FANCL: variants seen among roughly 807,000 people sequenced by gnomAD.
FANCL encodes FA complementation group L.
In FANCL, 69 loss-of-function variants were observed where a neutral mutation model predicts 59.4. The observed-to-expected ratio is 1.16, with a 90% confidence interval of 0.96 to 1.42. FANCL has a LOEUF of 1.42. FANCL is among the 40% of genes most tolerant of loss of function. The pLI, the probability that FANCL is intolerant of heterozygous loss-of-function variation, is 0.00. For missense variants in FANCL, 519 were observed against 447.2 expected, an observed-to-expected ratio of 1.16 and a Z score of -1.45; for synonymous variants, 180 against 147.1, an observed-to-expected ratio of 1.22 and a Z score of -1.62.
Position 58,221,948 on chromosome 2 carries a change from C to T in FANCL, c.368G>A (p.Trp123Ter), listed in dbSNP as rs752469482. The T allele has an allele frequency of 6.2e-7, 1 of 1,606,452 alleles. No homozygotes were observed. Among genetic ancestry groups the T allele is most frequent in the Non-Finnish European group, 8.5e-7 (1 of 1,173,248 alleles). ...TATTTTAAAACAGACATACTTATCC[C>T]AACCAAGAGTTCCTATCTCTTCAAT... ...SLIEEIGTLG[W>*]DKLVYADTCF... Residue 123 changes from tryptophan (W) to a stop codon, truncating the protein, a stop_gained, in exon 5 of 14, where the codon TGG becomes TAG. Transcript: ENST00000233741. LOFTEE classifies it high-confidence loss of function.
chr2:58,174,901 TAAAGA>T (rs1483181527), intron 7 of FANCL, among the ~76,000 whole-genome samples: 1 of 151,464 alleles, frequency 6.6e-6, no homozygotes, highest in Admixed American at 6.6e-5. Flanking sequence ...GCAAGACTAA[TAAAGA>T]AGAGAGAAGA....
chr2:58,221,335 G>C (rs543116362), intron 5 of FANCL, among the ~76,000 whole-genome samples: 1 of 152,200 alleles, frequency 6.6e-6, no homozygotes, highest in East Asian at 1.9e-4. Flanking sequence ...AAACTGAATA[G>C]CAAACAAATC....
At chr2:58,197,155 T>A (rs1357740154) in intron 7 of FANCL, among the ~76,000 whole-genome samples, 7 of 145,308 alleles carry the variant, frequency 4.8e-5, no homozygotes, top group East Asian at 2.0e-4. Flanking sequence ...ATTGGGACTT[T>A]AAAAAAAAAA....
chr2:58,227,781 G>A (rs1038869320), intron 3 of FANCL, among the ~76,000 whole-genome samples: 2 of 152,266 alleles, frequency 1.3e-5, no homozygotes, highest in South Asian at 2.1e-4. Flanking sequence ...GCACAGGCCC[G>A]GGGGTGGAGC....
At chr2:58,236,412 G>A (rs1418860182) in intron 1 of FANCL, among the ~76,000 whole-genome samples, 1 of 150,888 alleles carries the variant, frequency 6.6e-6, no homozygotes, top group African/African-American at 2.4e-5. Context: ...TTACGTTAAG[G>A]CAGACCATGA....
At chr2:58,201,959 T>C (rs1370035160) in intron 6 of FANCL, among the ~76,000 whole-genome samples, 2 of 151,742 alleles carry the variant, frequency 1.3e-5, no homozygotes, top group African/African-American at 4.8e-5. Context: ...CTTTGAGGTA[T>C]GTTATTAATA....
intron 1 of FANCL, among the ~76,000 whole-genome samples, chr2:58,233,862 A>C (rs1218046305): frequency 1.3e-5 from 2 of 152,088 alleles, no homozygotes; most frequent in Non-Finnish European, 2.9e-5. Flanking sequence ...GGCAGAAGAT[A>C]GGAGAAAAGA....
intron 7 of FANCL, among the ~76,000 whole-genome samples, chr2:58,174,001 AAC>A (rs1393987203): frequency 1.3e-5 from 2 of 152,208 alleles, no homozygotes; most frequent in Admixed American, 1.3e-4. Flanking sequence ...TCTCTGATAA[AAC>A]AGACTTTAAA....
chr2:58,174,853 G>A (rs1312063061), intron 7 of FANCL, among the ~76,000 whole-genome samples: 1 of 152,100 alleles, frequency 6.6e-6, no homozygotes, highest in Non-Finnish European at 1.5e-5. Flanking sequence ...TCCAGGAGCT[G>A]GTTTTCTGAA....
At chr2:58,182,344 G>A (rs1002191270) in intron 7 of FANCL, among the ~76,000 whole-genome samples, 21 of 151,684 alleles carry the variant, frequency 1.4e-4, no homozygotes, top group African/African-American at 5.1e-4. Context: ...TGCAGATAAG[G>A]TTAAAAACCA....
At chr2:58,175,267 CT>C (rs1365405822) in intron 7 of FANCL, among the ~76,000 whole-genome samples, 1 of 148,494 alleles carries the variant, frequency 6.7e-6, no homozygotes, top group Non-Finnish European at 1.5e-5. Context: ...AGAGGGAATC[CT>C]CCCTAACTCA....
chr2:58,207,426 T>C (rs941749157), intron 5 of FANCL, among the ~76,000 whole-genome samples: 10 of 152,288 alleles, frequency 6.6e-5, no homozygotes, highest in African/African-American at 2.4e-4. Context: ...TAGCCACACA[T>C]GGCTACTGAA....
At chr2:58,207,010 A>G (rs150567751) in intron 5 of FANCL, among the ~76,000 whole-genome samples, 15 of 152,220 alleles carry the variant, frequency 9.9e-5, no homozygotes, top group African/African-American at 3.1e-4. Context: ...TCAACTCTCA[A>G]TAAAACCAAG....
Position 58,224,698 on chromosome 2 carries a change from A to T in FANCL, c.273+2030T>A, listed in dbSNP as rs542002757. 2.1e-3 allele frequency among the ~76,000 whole-genome samples: 313 copies of T among 152,012 alleles called. 1 individual carries two copies. The highest frequency in any genetic ancestry group is 3.7e-3 in the Non-Finnish European group (250 of 67,788). ...AGTATTGTAATTTTTATATAAACTA[A>T]CAACACATAGACAGGAAAAGCATAA... is the stretch of plus-strand genomic sequence containing the variant. On this transcript the variant is annotated intron_variant, in intron 4 of 13. Coordinates refer to ENST00000233741, the MANE Select transcript of FANCL (RefSeq NM_018062.4).
rs149465674 is a variant in FANCL, at chr2:58,193,783, G to T, written c.540+4811C>A. Among the ~76,000 whole-genome samples the T allele has an allele frequency of 5.8e-3, 888 of 152,136 alleles. 11 individuals are homozygous for T. Among genetic ancestry groups the T allele is most frequent in the African/African-American group, 0.02 (838 of 41,512 alleles). ...ACTAGGGGATTTGCCCCAACACTGT[G>T]TTTGTTTTAAACTCGATTTATTTTT... On this transcript the variant is annotated intron_variant, in intron 7 of 13. Coordinates refer to ENST00000233741, the MANE Select transcript of FANCL (RefSeq NM_018062.4).
At chr2:58,166,145 C>T (rs757235886) in intron 7 of FANCL, among the ~76,000 whole-genome samples, 2 of 93,184 alleles carry the variant, frequency 2.1e-5, no homozygotes, top group Admixed American at 1.0e-4. Flanking sequence ...ATATACTACA[C>T]GTATGCAATA....
chr2:58,166,012 C>T (rs1198146931), intron 7 of FANCL, 138 bp from the exon 8 acceptor site: 9 of 771,422 alleles, frequency 1.2e-5, no homozygotes, highest in South Asian at 1.6e-5. Context: ...AAACAGTAGT[C>T]GACTCTCCCT....
chr2:58,218,949 T>C (rs940835380), intron 5 of FANCL, among the ~76,000 whole-genome samples: 9 of 150,652 alleles, frequency 6.0e-5, no homozygotes, highest in Non-Finnish European at 1.2e-4. Flanking sequence ...ACATTTGTTT[T>C]CCATTTTTCA....
At chr2:58,191,461 A>C (rs1413701983) in intron 7 of FANCL, among the ~76,000 whole-genome samples, 1 of 151,818 alleles carries the variant, frequency 6.6e-6, no homozygotes, top group Non-Finnish European at 1.5e-5. Context: ...CTGTGAAACC[A>C]AACAGTATTT....
Sources: gnomAD v4.1 joint callset for allele counts (sites outside exome capture counted in the v4.1 genomes callset) on GRCh38, gnomAD v4.1.1 for gene constraint, MANE v1.5 for transcripts, NCBI Gene and HGNC (gene_info 2026-07-23, HGNC 2026-07-21) for gene names.